TUBGCP3: variants seen among roughly 807,000 people sequenced by gnomAD.
The protein encoded by TUBGCP3 is tubulin gamma complex component 3.
In TUBGCP3, 50 loss-of-function variants were observed where a neutral mutation model predicts 123.1. The observed-to-expected ratio is 0.41, with a 90% CI of 0.32 to 0.51. The LOEUF (loss-of-function observed/expected upper bound fraction) is 0.51, where lower values mean the gene tolerates loss of function less well. Among genes scored for constraint, TUBGCP3 ranks in the 20% least tolerant of loss-of-function variants. The pLI, the probability that TUBGCP3 is intolerant of heterozygous loss-of-function variation, is 0.36. For synonymous variants in TUBGCP3, 405 were observed against 413.9 expected (o/e 0.98, Z 0.26); for missense variants, 882 against 1,127.0 (o/e 0.78, Z 3.11).
intron 1 of TUBGCP3, among the ~76,000 whole-genome samples, chr13:112,574,495 AT>A (rs1234841832): frequency 6.6e-6 from 1 of 152,266 alleles, no homozygotes; most frequent in Non-Finnish European, 1.5e-5. Flanking sequence ...GTAACAAAGG[AT>A]TTAAGGAAGA....
intron 1 of TUBGCP3, among the ~76,000 whole-genome samples, chr13:112,571,372 C>T (rs9577813): frequency 0.16 from 23,992 of 152,216 alleles, 2,156 homozygotes; most frequent in East Asian, 0.21. Flanking sequence ...GCATTCTCAA[C>T]GAGCAGTAAG....
intron 13 of TUBGCP3, among the ~76,000 whole-genome samples, chr13:112,525,493 C>T (rs1352549275): frequency 1.3e-5 from 2 of 152,212 alleles, no homozygotes; most frequent in African/African-American, 4.8e-5. Flanking sequence ...GTCATTGTCT[C>T]TTTCCTGTAG....
intron 3 of TUBGCP3, 45 bp downstream of exon 3, chr13:112,565,066 A>C: frequency 6.5e-7 from 1 of 1,537,042 alleles, no homozygotes; most frequent in Non-Finnish European, 9.0e-7. Context: ...CACTCATCAT[A>C]TCCTCAACAA....
At chr13:112,486,196 A>C (rs771714915) in intron 21 of TUBGCP3, 45 bp from the exon 22 acceptor site, 12 of 1,607,170 alleles carry the variant, frequency 7.5e-6, no homozygotes, top group Admixed American at 3.4e-5. Flanking sequence ...AGAAAAGAAC[A>C]ACCCACAAAC....
At chr13:112,534,400 G>A (rs1201969622) in intron 11 of TUBGCP3, among the ~76,000 whole-genome samples, 2 of 152,140 alleles carry the variant, frequency 1.3e-5, no homozygotes, top group African/African-American at 4.8e-5. Context: ...CAAAAAATTA[G>A]CCGGGCGTGG....
intron 8 of TUBGCP3, among the ~76,000 whole-genome samples, chr13:112,549,859 G>C (rs1051213186): frequency 1.3e-5 from 2 of 151,866 alleles, no homozygotes; most frequent in African/African-American, 4.8e-5. Context: ...GCGTGTTGGC[G>C]GGTGCCTGTG....
chr13:112,499,246 A>T, intron 19 of TUBGCP3, 61 bp from the exon 20 acceptor site: 1 of 1,527,580 alleles, frequency 6.5e-7, no homozygotes, highest in Non-Finnish European at 8.8e-7. Flanking sequence ...CTTAAACAAA[A>T]CATTGATATT....
intron 4 of TUBGCP3, 115 bp downstream of exon 4, chr13:112,559,207 A>G: frequency 1.2e-6 from 1 of 813,698 alleles, no homozygotes; most frequent in Non-Finnish European, 1.9e-6. Context: ...ACCTTCCATG[A>G]CAGACAAGCT....
intron 1 of TUBGCP3, among the ~76,000 whole-genome samples, chr13:112,574,456 T>C (rs974800150): frequency 6.6e-6 from 1 of 151,882 alleles, no homozygotes; most frequent in African/African-American, 2.4e-5. Flanking sequence ...CCCTGCCCAA[T>C]CCATAGACAA....
upstream of TUBGCP3, among the ~76,000 whole-genome samples, chr13:112,588,611 C>G (rs3813740): frequency 0.16 from 23,612 of 152,202 alleles, 2,151 homozygotes; most frequent in Non-Finnish European, 0.21. Context: ...CCGGTCCCCC[C>G]CGGCCCGGGT....
chr13:112,490,581 G>C (rs1456092904), intron 20 of TUBGCP3, among the ~76,000 whole-genome samples: 2 of 152,214 alleles, frequency 1.3e-5, no homozygotes, highest in Non-Finnish European at 2.9e-5. Context: ...GTCAAATATG[G>C]TGAATTATAT....
At chr13:112,590,104 C>G (rs7319692), upstream of TUBGCP3, among the ~76,000 whole-genome samples, 53,767 of 151,612 alleles carry the variant, frequency 0.35, 10,905 homozygotes, top group African/African-American at 0.56. Flanking sequence ...AGCCTCTTGA[C>G]TAGCTGGGAC....
At chr13:112,527,304 G>A (rs1295803061) in intron 12 of TUBGCP3, 70 bp downstream of exon 12, 5 of 1,193,564 alleles carry the variant, frequency 4.2e-6, no homozygotes, top group South Asian at 1.5e-5. Context: ...CTGAAAATTG[G>A]TTTTGTCACA....
chr13:112,530,431 A>G (rs896994128), intron 11 of TUBGCP3, among the ~76,000 whole-genome samples: 1 of 152,282 alleles, frequency 6.6e-6, no homozygotes, highest in African/African-American at 2.4e-5. Flanking sequence ...AAAAAATCGC[A>G]TATACAACTG....
intron 14 of TUBGCP3, chr13:112,521,690 A>G: frequency 1.0e-6 from 1 of 985,452 alleles, no homozygotes; most frequent in Non-Finnish European, 1.2e-6. Context: ...GAACACCAGA[A>G]AAGAAGTTTC....
intron 12 of TUBGCP3, 48 bp from the exon 13 acceptor site, chr13:112,527,098 A>C (rs1253368094): frequency 2.0e-6 from 3 of 1,482,210 alleles, no homozygotes; most frequent in Non-Finnish European, 2.8e-6. Flanking sequence ...ATTTAAAACG[A>C]CTGCCCAAAT....
At position 112,526,950 on chromosome 13, in the gene TUBGCP3, G is replaced by A; in HGVS notation, c.1547C>T (p.Pro516Leu). 1.2e-6 allele frequency: 2 copies of A among 1,613,014 alleles called. No homozygotes were observed. Among genetic ancestry groups the A allele is most frequent in the South Asian group, 1.1e-5 (1 of 91,034 alleles). The change falls in exon 13 of 22, where the codon CCC becomes CTC. Residue 516 changes from proline (P) to leucine (L), a missense_variant. Transcript: ENST00000261965. The stretch of plus-strand genomic sequence containing the variant: ...CACCAGCATCATCATACCGTCCTGG[G>A]GTGACTCTGCAGACTTGGTCACAGC... ...MIAVTKSAES[P>L]QDAADLFTDL... is the part of the protein sequence containing the mutation.
intron 16 of TUBGCP3, 21 bp from the exon 17 acceptor site, chr13:112,516,596 A>C (rs1876154353): frequency 6.2e-7 from 1 of 1,609,058 alleles, no homozygotes; most frequent in African/African-American, 1.3e-5. Flanking sequence ...AGCAGAAGAC[A>C]AGTTGATAGT....
At chr13:112,599,678 T>C in the TUBGCP3 span, among the ~76,000 whole-genome samples, 1 of 151,838 alleles carries the variant, frequency 6.6e-6, no homozygotes, top group African/African-American at 2.4e-5. Context: ...GCCAAGTTAT[T>C]TTTATTTTTT....
Sources: gnomAD v4.1 joint callset for allele counts (sites outside exome capture counted in the v4.1 genomes callset) on GRCh38, gnomAD v4.1.1 for gene constraint, MANE v1.5 for transcripts, NCBI Gene and HGNC (gene_info 2026-07-23, HGNC 2026-07-21) for gene names.